The following MAPK12 variants were observed in gnomAD, a reference collection of about 807,000 sequenced individuals.
MAPK12 encodes the protein mitogen-activated protein kinase 12, also known as MAP kinase 12.
Under a neutral mutation model 49.1 loss-of-function variants are expected in MAPK12, and 49 were observed. The ratio of observed to expected loss-of-function variants is 1.00; its 90% CI spans 0.79 to 1.27. The LOEUF is 1.27. Ranked by LOEUF, MAPK12 falls within the 50% of genes most tolerant of loss-of-function variation. The pLI, the probability that MAPK12 is intolerant of heterozygous loss-of-function variation, is 0.00. For synonymous variants in MAPK12, 251 were observed against 209.7 expected, an observed-to-expected ratio of 1.20 and a Z score of -1.70; for missense variants, 554 against 502.4, an observed-to-expected ratio of 1.10 and a Z score of -0.98.
intron 3 of MAPK12, chr22:50,257,767 G>A (rs1036830344): frequency 1.0e-5 from 7 of 691,884 alleles, no homozygotes; most frequent in African/African-American, 8.8e-5. Flanking sequence ...CCCTCTCCAG[G>A]CCTTCCTCGG....
At position 50,261,236 on chromosome 22, in the gene MAPK12, G is replaced by C; in HGVS notation, c.186C>G (p.Phe62Leu). Residue 62 changes from phenylalanine (F) to leucine (L), a missense_variant, in exon 2 of 12, where the codon TTC (phenylalanine) becomes TTG (leucine). Phe to Leu is a conservative substitution (Grantham distance 22). Coordinates refer to ENST00000215659, the MANE Select transcript of MAPK12 (RefSeq NM_002969.6). The stretch of plus-strand genomic sequence containing the variant: ...CGCGCTTGGCGAACAGCTCGGACTG[G>C]AAAGGCCGATACAGCTTCTTGATGG... ...KVAIKKLYRP[F>L]QSELFAKRAY... The C allele has an allele frequency of 6.3e-7, 1 of 1,584,546 alleles. No homozygotes were observed. Among genetic ancestry groups the C allele is most frequent in the Admixed American group, 1.7e-5 (1 of 57,330 alleles).
chr22:50,256,667 G>A, intron 5 of MAPK12, 21 bp from the exon 6 acceptor site: 2 of 1,602,712 alleles, frequency 1.2e-6, no homozygotes, highest in Non-Finnish European at 1.7e-6. Context: ...AGGAAAGGTG[G>A]CCACTGTGCC....
intron 2 of MAPK12, among the ~76,000 whole-genome samples, chr22:50,260,583 G>A (rs1231859846): frequency 1.3e-5 from 2 of 152,176 alleles, no homozygotes; most frequent in Non-Finnish European, 2.9e-5. Flanking sequence ...GGGTGTCTGT[G>A]AGGCGGCCAC....
intron 6 of MAPK12, 38 bp downstream of exon 6, chr22:50,256,561 C>A (rs201532339): frequency 6.5e-4 from 1,043 of 1,600,324 alleles, no homozygotes; most frequent in Admixed American, 1.7e-3. Context: ...GAGGGGGCCC[C>A]TGCCCCACCT....
At chr22:50,258,114 G>A (rs1021823229) in intron 3 of MAPK12, 129 bp downstream of exon 3, 41 of 846,458 alleles carry the variant, frequency 4.8e-5, no homozygotes, top group Non-Finnish European at 7.6e-5. Context: ...ATGGGGAGGG[G>A]GTGGGCGGTG....
At chr22:50,254,807 G>T (rs1307182190) in intron 11 of MAPK12, 1 of 1,159,274 alleles carries the variant, frequency 8.6e-7, no homozygotes, top group Non-Finnish European at 1.1e-6. Context: ...GCCAGGAGGG[G>T]CTAAGTGGGC....
intron 3 of MAPK12, 51 bp from the exon 4 acceptor site, chr22:50,257,244 CCA>C (rs1569142850): frequency 1.4e-6 from 2 of 1,456,438 alleles, no homozygotes; most frequent in Admixed American, 3.4e-5. Flanking sequence ...CCTCTGCATC[CCA>C]GAGACCCACC....
chr22:50,258,153 G>A, intron 3 of MAPK12, 90 bp downstream of exon 3: 1 of 1,234,988 alleles, frequency 8.1e-7, no homozygotes, highest in Non-Finnish European at 1.2e-6. Flanking sequence ...TGCAGGAAGA[G>A]AACCCCATTG....
At chr22:50,254,857 G>A (rs969601520) in intron 11 of MAPK12, 3 of 1,198,422 alleles carry the variant, frequency 2.5e-6, no homozygotes, top group African/African-American at 1.6e-5. Context: ...ACCACTCCCG[G>A]CTCCTTCTGT....
intron 3 of MAPK12, among the ~76,000 whole-genome samples, 153 bp from the exon 4 acceptor site, chr22:50,257,346 T>G (rs1275549278): frequency 6.6e-6 from 1 of 152,088 alleles, no homozygotes; most frequent in Non-Finnish European, 1.5e-5. Flanking sequence ...GGCCTCGGTG[T>G]CCTCGCAGCC....
intron 3 of MAPK12, chr22:50,257,929 C>T (rs932922208): frequency 2.6e-6 from 2 of 774,032 alleles, no homozygotes; most frequent in Non-Finnish European, 4.8e-6. Flanking sequence ...TGCCAGGGTC[C>T]CGAGCACGGG....
At chr22:50,256,311 T>A (rs2065150046) in intron 6 of MAPK12, 112 bp from the exon 7 acceptor site, 1 of 831,206 alleles carries the variant, frequency 1.2e-6, no homozygotes, top group Non-Finnish European at 1.9e-6. Flanking sequence ...AGCTGGGGCC[T>A]CCTGACAACC....
intron 11 of MAPK12, chr22:50,254,816 G>A (rs2065131459): frequency 1.7e-6 from 2 of 1,164,320 alleles, no homozygotes; most frequent in East Asian, 1.2e-4. Context: ...GGCTAAGTGG[G>A]CCCTGGTTCC....
At chr22:50,253,502 G>GGGGGGGGCCCCCCC in intron 11 of MAPK12, 22 bp from the exon 12 acceptor site, 1 of 171,686 alleles carries the variant, frequency 5.8e-6, no homozygotes. Flanking sequence ...GGGGGGGCGG[G>GGGGGGGGCCCCCCC]CACAACAGAG....
chr22:50,255,239 C>T lies in MAPK12; in HGVS notation c.982G>A (p.Asp328Asn). The T allele has an allele frequency of 6.2e-7, 1 of 1,613,982 alleles. No homozygotes were observed. Among genetic ancestry groups the T allele is most frequent in the African/African-American group, 1.3e-5 (1 of 75,060 alleles). Residue 328 changes from aspartate (D) to asparagine (N), a missense_variant, in exon 11 of 12, where the codon GAC (aspartate) becomes AAC (asparagine). Physicochemically the swap from Asp to Asn is conservative, Grantham distance 23 (BLOSUM62 1). Coordinates refer to ENST00000215659, the MANE Select transcript of MAPK12 (RefSeq NM_002969.6). Reference sequence around the variant, plus strand: ...GTGCGGTCAACGTCGTCAAAGGAGTCATCATACTTCTGGACCTGGGGCTCA... The same window carrying T: ...GTGCGGTCAACGTCGTCAAAGGAGTTATCATACTTCTGGACCTGGGGCTCA... ...EDEPQVQKYD[D>N]SFDDVDRTLD...
rs566015330 is a variant in MAPK12, at chr22:50,255,191, A to G, written c.1024+6T>C. On this transcript the variant is annotated splice_donor_region_variant and intron_variant, in intron 11 of 11. Coordinates refer to ENST00000215659, the MANE Select transcript of MAPK12 (RefSeq NM_002969.6). Reference sequence around the variant, plus strand: ...ACACAGGCCGTGCCAGGAGCCCCCCACTCACGCTTCCATTCATCCAGTGTG... The same window carrying G: ...ACACAGGCCGTGCCAGGAGCCCCCCGCTCACGCTTCCATTCATCCAGTGTG... 4 of 1,612,834 alleles carry G rather than the reference A, an allele frequency of 2.5e-6. No individual in the cohort carries two copies. Among genetic ancestry groups the G allele is most frequent in the African/African-American group, 2.7e-5 (2 of 74,770 alleles).
In MAPK12 at chr22:50,257,112, G is replaced by C. The variant is rs984169452; in HGVS notation, c.396C>G (p.Phe132Leu). Residue 132 changes from phenylalanine (F) to leucine (L), a missense_variant, in exon 4 of 12, where the codon TTC (phenylalanine) becomes TTG (leucine). Phe to Leu is a conservative substitution (Grantham distance 22). Coordinates refer to ENST00000215659, the MANE Select transcript of MAPK12 (RefSeq NM_002969.6). ...GCCCCTTCAGCATCTGGTACACGAG[G>C]AACTGGATCCGGTCCTCGCCTAGCT... ...HEKLGEDRIQ[F>L]LVYQMLKGLR... is the part of the protein sequence containing the mutation. The C allele has an allele frequency of 6.2e-7, 1 of 1,612,778 alleles. No homozygotes were observed. Among genetic ancestry groups the C allele is most frequent in the East Asian group, 2.2e-5 (1 of 44,878 alleles).
In MAPK12 at chr22:50,256,187, C is replaced by T. The variant is rs368240751; in HGVS notation, c.517G>A (p.Gly173Ser). The T allele has an allele frequency of 3.9e-5, 63 of 1,611,836 alleles. No individual in the cohort carries two copies. The South Asian group carries it at 5.3e-4, about 13-fold the overall frequency. The change falls in exon 7 of 12, where the codon GGC becomes AGC. Residue 173 changes from glycine (G) to serine (S), a missense_variant. Physicochemically the swap from Gly to Ser is moderately conservative, Grantham distance 56. Coordinates refer to ENST00000215659, the MANE Select transcript of MAPK12 (RefSeq NM_002969.6). ...TCACTGTCTGCCTGCCTGGCCAGGC[C>T]GAAGTCCAGGATCTGTGGGAAGAAT... ...EDCELKILDF[G>S]LARQADSEMT...
chr22:50,261,136 C>T, intron 2 of MAPK12, 31 bp downstream of exon 2: 1 of 1,548,526 alleles, frequency 6.5e-7, no homozygotes. Flanking sequence ...GAGGCCGCGG[C>T]GCCTTCCCGG....
Sources: gnomAD v4.1 joint callset for allele counts (sites outside exome capture counted in the v4.1 genomes callset) on GRCh38, gnomAD v4.1.1 for gene constraint, MANE v1.5 for transcripts, NCBI Gene and HGNC (gene_info 2026-07-23, HGNC 2026-07-21) for gene names.